SLC19A1: variants seen among roughly 807,000 people sequenced by gnomAD.
SLC19A1 encodes reduced folate transporter.
In SLC19A1, 37 loss-of-function variants were observed where a neutral mutation model predicts 35.3. That is an observed-to-expected ratio of 1.05 (90% CI 0.81 to 1.38). The LOEUF (loss-of-function observed/expected upper bound fraction) is 1.38, where lower values mean the gene tolerates loss of function less well. SLC19A1 is among the 40% of genes most tolerant of loss of function. The probability of loss-of-function intolerance (pLI) is 0.00; values close to 1 mark genes in which losing one functional copy is unlikely to be tolerated. For missense variants in SLC19A1, 831 were observed against 826.9 expected (o/e 1.00, Z -0.06); for synonymous variants, 460 against 398.5 (o/e 1.15, Z -1.84).
intron 5 of SLC19A1, among the ~76,000 whole-genome samples, chr21:45,519,691 A>C (rs1244773944): frequency 6.6e-6 from 1 of 152,164 alleles, no homozygotes; most frequent in Non-Finnish European, 1.5e-5. Context: ...TCAATCCCTA[A>C]CGTGTATGCA....
At chr21:45,503,756 T>TGA (rs2037007359) in intron 3 of SLC19A1, among the ~76,000 whole-genome samples, 2 of 151,902 alleles carry the variant, frequency 1.3e-5, no homozygotes, top group Non-Finnish European at 2.9e-5. Context: ...CTGCACATCA[T>TGA]GCACATGTAC....
chr21:45,531,373 A>AC lies in SLC19A1; in HGVS notation c.949+15dup. The AC allele has an allele frequency of 6.4e-7, 1 of 1,550,980 alleles. No homozygotes were observed. Among genetic ancestry groups the AC allele is most frequent in the African/African-American group, 1.4e-5 (1 of 73,390 alleles). On this transcript the variant is annotated intron_variant, in intron 3 of 5. Coordinates refer to ENST00000311124, the MANE Select transcript of SLC19A1 (RefSeq NM_194255.4). ...GCCTCTGCGGGAAGAAGCCTCGGGG[A>AC]CCAGGGCATGCGTACCCAGCAGCGT...
chr21:45,562,144 A>AAC (rs1310858166), intron 1 of SLC19A1, among the ~76,000 whole-genome samples: 4 of 151,882 alleles, frequency 2.6e-5, no homozygotes, highest in African/African-American at 9.7e-5. Flanking sequence ...AAAAAAAAAA[A>AAC]AAAAGACAAA....
chr21:45,557,515 T>C (rs959649672), intron 1 of SLC19A1, among the ~76,000 whole-genome samples: 4 of 152,122 alleles, frequency 2.6e-5, no homozygotes, highest in Admixed American at 1.3e-4. Flanking sequence ...AGTGTCCGCC[T>C]GGAGTGTCCT....
At chr21:45,547,240 C>T (rs1323883206), upstream of SLC19A1, among the ~76,000 whole-genome samples, 1 of 152,120 alleles carries the variant, frequency 6.6e-6, no homozygotes, top group Non-Finnish European at 1.5e-5. Flanking sequence ...AAGAGCTAAA[C>T]AAATGGGGGA....
chr21:45,530,221 GGT>G lies in SLC19A1; in HGVS notation c.1151+547_1151+548del, dbSNP rs1223311032. On this transcript the variant is annotated intron_variant, in intron 4 of 5. Transcript: ENST00000311124. This position sits in a 1 kb window ranked among gnomAD's most constrained non-coding sequence, Gnocchi z 5.3. ...GTGTGATATATCCATGTGTGAACAT[GGT>G]GTGTGTCCGTGTGTGTGGTGTGTTC... 6.7e-6 allele frequency among the ~76,000 whole-genome samples: 1 copy of G among 150,374 alleles called. No homozygotes were observed. The highest frequency in any genetic ancestry group is 2.5e-5 in the African/African-American group (1 of 40,598).
chr21:45,504,072 G>T, intron 3 of SLC19A1: 1 of 1,613,364 alleles, frequency 6.2e-7, no homozygotes, highest in South Asian at 1.1e-5. Context: ...ACCTCCCTGT[G>T]GGGTTGGGGG....
downstream of SLC19A1, chr21:45,509,389 G>C: frequency 1.3e-6 from 2 of 1,543,426 alleles, no homozygotes; most frequent in African/African-American, 1.4e-5. Context: ...GCCCCCCGTG[G>C]TGCAGCTGCA....
intron 3 of SLC19A1, chr21:45,505,749 C>T (rs1322131390): frequency 9.1e-7 from 1 of 1,102,514 alleles, no homozygotes; most frequent in Non-Finnish European, 1.3e-6. Context: ...CGGCCCCTGC[C>T]CAGCACCCTG....
In SLC19A1 at chr21:45,505,166, C is replaced by G. The variant is rs555990845; in HGVS notation, c.498-6554G>C. 6 of 1,607,708 alleles carry G rather than the reference C, an allele frequency of 3.7e-6. No individual in the cohort carries two copies. The African/African-American group carries it at 5.3e-5, about 14-fold the overall frequency. On this transcript the variant is annotated intron_variant, in intron 3 of 4. Coordinates refer to the SLC19A1 transcript ENST00000417954. ...AGGGAGAGAGCATCCGGGGCCAGCC[C>G]GGCCCACCTGGACCTCAGGGACCCC...
In SLC19A1 at chr21:45,534,551, G is replaced by A; in HGVS notation, c.190-2403C>T. 2 of 1,535,628 alleles carry A rather than the reference G, an allele frequency of 1.3e-6. No individual in the cohort carries two copies. The highest frequency in any genetic ancestry group is 1.7e-6 in the Non-Finnish European group (2 of 1,146,826). On this transcript the variant is annotated intron_variant, in intron 2 of 5. Transcript: ENST00000311124. The surrounding 1 kb of genome is among the most constrained non-coding windows in gnomAD (Gnocchi z 4.2). ...AGCCTCACCCACCTCCGAATGAATG[G>A]AGCATGCCTCATTTCCTCTTCCACC...
chr21:45,543,053 C>T (rs760422533), upstream of SLC19A1, among the ~76,000 whole-genome samples: 75 of 152,140 alleles, frequency 4.9e-4, no homozygotes, highest in Non-Finnish European at 1.8e-4. Flanking sequence ...GTGACCCGTA[C>T]GGGCTTGTAC....
Position 45,540,718 on chromosome 21 carries a change from C to A in SLC19A1, c.-50+1650G>T, listed in dbSNP as rs887127146. On this transcript the variant is annotated intron_variant, in intron 1 of 5. Coordinates refer to ENST00000311124, the MANE Select transcript of SLC19A1 (RefSeq NM_194255.4). The surrounding 1 kb of genome is among the most constrained non-coding windows in gnomAD (Gnocchi z 5.5). ...AAGTGTCCAGACCCCAGCCCAGTCC[C>A]ATACAGCTTGAGGCCTCTTCCCGGC... Among the ~76,000 whole-genome samples the A allele has an allele frequency of 1.3e-5, 2 of 152,206 alleles. No individual in the cohort carries two copies. Among genetic ancestry groups the A allele is most frequent in the African/African-American group, 4.8e-5 (2 of 41,454 alleles).
In SLC19A1 at chr21:45,531,796, G is replaced by T. The variant is rs772340863; in HGVS notation, c.542C>A (p.Ser181Tyr). The T allele has an allele frequency of 3.1e-6, 5 of 1,598,048 alleles. No individual in the cohort carries two copies. Among genetic ancestry groups the T allele is most frequent in the South Asian group, 1.1e-5 (1 of 89,242 alleles). ...CGAGATGTAGTTGAGCGTGGAGAAGGAGACTCGGCCCACAGTGACCAGCAG... is the reference window on the plus strand; with the variant it reads ...CGAGATGTAGTTGAGCGTGGAGAAGTAGACTCGGCCCACAGTGACCAGCAG... ...GQLLVTVGRV[S>Y]FSTLNYISLA... is the part of the protein sequence containing the mutation. Residue 181 changes from serine to tyrosine, a missense_variant, in exon 3 of 6, where the codon TCC (serine) becomes TAC (tyrosine). Ser to Tyr is a moderately radical substitution (Grantham distance 144). Coordinates refer to ENST00000311124, the MANE Select transcript of SLC19A1 (RefSeq NM_194255.4).
Position 45,534,905 on chromosome 21 carries a change from T to G in SLC19A1, c.190-2757A>C, listed in dbSNP as rs2078056722. On this transcript the variant is annotated intron_variant, in intron 2 of 5. Coordinates refer to ENST00000311124, the MANE Select transcript of SLC19A1 (RefSeq NM_194255.4). This position sits in a 1 kb window ranked among gnomAD's most constrained non-coding sequence, Gnocchi z 4.2. Reference sequence around the variant, plus strand: ...CCTGAGCCCAGCGTCGGCCCTGCTCTCCACAGGTCTTGGTTGGGGTCCAGG... The same window carrying G: ...CCTGAGCCCAGCGTCGGCCCTGCTCGCCACAGGTCTTGGTTGGGGTCCAGG... 6.6e-6 allele frequency among the ~76,000 whole-genome samples: 1 copy of G among 152,276 alleles called. No individual in the cohort carries two copies. The highest frequency in any genetic ancestry group is 1.5e-5 in the Non-Finnish European group (1 of 68,046).
rs1473140778 is a variant in SLC19A1 at position 45,537,911 on chromosome 21, C to T, written c.49G>A (p.Gly17Arg). The change falls in exon 2 of 6, where the codon GGG becomes AGG. Residue 17 changes from glycine to arginine, a missense_variant. Transcript: ENST00000311124. ...AVEKQVPVEP[G>R]PDPELRSWRH... Reference sequence around the variant, plus strand: ...CAGGACCGGAGCTCGGGGTCAGGCCCAGGTTCCACGGGCACCTGCTTCTCC... The same window carrying T: ...CAGGACCGGAGCTCGGGGTCAGGCCTAGGTTCCACGGGCACCTGCTTCTCC... The T allele has an allele frequency of 1.9e-6, 3 of 1,594,108 alleles. No individual in the cohort carries two copies. The highest frequency in any genetic ancestry group is 1.7e-6 in the Non-Finnish European group (2 of 1,173,974).
intron 2 of SLC19A1, among the ~76,000 whole-genome samples, chr21:45,532,737 C>A (rs1602838422): frequency 6.6e-6 from 1 of 152,234 alleles, no homozygotes; most frequent in Non-Finnish European, 1.5e-5. Context: ...ACCCAGCCAG[C>A]TTCTCTATTT....
chr21:45,503,271 T>C (rs1026904442), intron 3 of SLC19A1, among the ~76,000 whole-genome samples: 1 of 117,538 alleles, frequency 8.5e-6, no homozygotes, highest in South Asian at 2.5e-4. Flanking sequence ...TTCTAACTGG[T>C]GTGAGATGGT....
chr21:45,518,033 A>G (rs555841347), intron 5 of SLC19A1, among the ~76,000 whole-genome samples: 1 of 152,346 alleles, frequency 6.6e-6, no homozygotes, highest in African/African-American at 2.4e-5. Context: ...AAAACAATTA[A>G]TAGACACCAA....
Sources: allele counts gnomAD v4.1 joint callset (sites outside exome capture counted in the v4.1 genomes callset), GRCh38; gene constraint gnomAD v4.1.1; non-coding constraint Gnocchi (gnomAD v3.1); transcripts MANE v1.5; gene names NCBI Gene and HGNC (gene_info 2026-07-23, HGNC 2026-07-21).